GLRA3: variants seen among roughly 807,000 people sequenced by gnomAD.
The protein encoded by GLRA3 is glycine receptor subunit alpha-3.
A neutral mutation model predicts 60.4 loss-of-function variants in GLRA3; 44 were observed. That is an observed-to-expected ratio of 0.73 (90% CI 0.57 to 0.94). The LOEUF is 0.94. Among genes scored for constraint, GLRA3 ranks in the 40% least tolerant of loss-of-function variants. The pLI is 0.00. For missense variants in GLRA3, 508 were observed against 564.6 expected, an observed-to-expected ratio of 0.90 and a Z score of 1.02; for synonymous variants, 223 against 192.9, an observed-to-expected ratio of 1.16 and a Z score of -1.29.
At chr4:174,680,722 T>G (rs115616970) in intron 6 of GLRA3, among the ~76,000 whole-genome samples, 2,052 of 152,282 alleles carry the variant, frequency 0.013, 40 homozygotes, top group African/African-American at 0.046. Flanking sequence ...AGCACATAAC[T>G]AATAAATACT....
rs932136148 is a variant in GLRA3, at chr4:174,641,464, T to C, written c.*2322A>G. The stretch of plus-strand genomic sequence containing the variant: ...CATGCACCTTGTCACTGTTGCCTTG[T>C]GAGTGAAAGCTGTTAAAGTATTTTC... On this transcript the variant is annotated 3_prime_UTR_variant, in exon 10 of 10. Coordinates refer to ENST00000274093, the MANE Select transcript of GLRA3 (RefSeq NM_006529.4). 1 of 152,056 alleles carries C rather than the reference T, an allele frequency of 6.6e-6. No homozygotes were observed. The highest frequency in any genetic ancestry group is 1.5e-5 in the Non-Finnish European group (1 of 67,954). 9.4% of individuals were successfully genotyped at this position (152,056 alleles called of 1,614,324 possible).
chr4:174,715,016 G>GGGCC (rs1735855294), intron 5 of GLRA3, among the ~76,000 whole-genome samples: 1 of 152,192 alleles, frequency 6.6e-6, no homozygotes, highest in African/African-American at 2.4e-5. Flanking sequence ...AAGCAGCATA[G>GGGCC]GTTTGGAGGC....
In GLRA3 at chr4:174,638,706, G is replaced by A. The variant is rs1732559129; in HGVS notation, c.*5080C>T. On this transcript the variant is annotated 3_prime_UTR_variant, in exon 10 of 10. Transcript: ENST00000274093. ...AAATTGATCCTTATTAAGAGAATAA[G>A]CTTGTGTAAGTTCACACGAATTCTC... 1 of 152,146 alleles carries A rather than the reference G, an allele frequency of 6.6e-6. No homozygotes were observed. Among genetic ancestry groups the A allele is most frequent in the Non-Finnish European group, 1.5e-5 (1 of 68,022 alleles). 9.4% of individuals were successfully genotyped at this position (152,146 alleles called of 1,614,324 possible).
intron 3 of GLRA3, among the ~76,000 whole-genome samples, chr4:174,737,443 C>A (rs1015702760): frequency 6.6e-6 from 1 of 152,160 alleles, no homozygotes; most frequent in East Asian, 1.9e-4. Context: ...AGTAAGAAAA[C>A]TGAACATAAA....
chr4:174,727,427 A>T (rs2111129581), intron 4 of GLRA3, among the ~76,000 whole-genome samples: 1 of 152,312 alleles, frequency 6.6e-6, no homozygotes, highest in African/African-American at 2.4e-5. Flanking sequence ...CCTCAATATT[A>T]AGCCTACCTT....
chr4:174,792,762 A>C (rs917181767), intron 1 of GLRA3, among the ~76,000 whole-genome samples: 1 of 152,228 alleles, frequency 6.6e-6, no homozygotes, highest in African/African-American at 2.4e-5. Flanking sequence ...ACTCCAAGTT[A>C]GGTCACAGAA....
chr4:174,789,027 G>A, intron 1 of GLRA3, 84 bp from the exon 2 acceptor site: 1 of 836,254 alleles, frequency 1.2e-6, no homozygotes, highest in Non-Finnish European at 1.8e-6. Flanking sequence ...TAGAAATGCT[G>A]AGCTAAATAT....
intron 9 of GLRA3, among the ~76,000 whole-genome samples, chr4:174,648,169 C>G (rs1579383860): frequency 6.6e-6 from 1 of 152,146 alleles, no homozygotes; most frequent in East Asian, 1.9e-4. Context: ...TGGTATAAAT[C>G]TATGTTGAGG....
intron 3 of GLRA3, among the ~76,000 whole-genome samples, chr4:174,732,114 C>T (rs1266303499): frequency 1.3e-5 from 2 of 152,098 alleles, no homozygotes; most frequent in African/African-American, 2.4e-5. Context: ...CCCAGCACTT[C>T]GGGAGGCCGA....
intron 7 of GLRA3, among the ~76,000 whole-genome samples, chr4:174,659,493 T>C (rs188284112): frequency 3.0e-4 from 46 of 152,316 alleles, no homozygotes; most frequent in Admixed American, 1.4e-3. Context: ...AGTATGAACA[T>C]TGAAATATAG....
At position 174,643,977 on chromosome 4, in the gene GLRA3, C is replaced by G. The variant is rs1380097889; in HGVS notation, c.1204G>C (p.Gly402Arg). The change falls in exon 10 of 10, where the codon GGC becomes CGC. Residue 402 changes from glycine (G) to arginine (R), a missense_variant. Physicochemically the swap from Gly to Arg is moderately radical, Grantham distance 125. Coordinates refer to ENST00000274093, the MANE Select transcript of GLRA3 (RefSeq NM_006529.4). ...LQAKDGMTPK[G>R]PNHPVQVMPK... ...ATTACCTGGACAGGGTGGTTGGGGC[C>G]CTTTGGAGTCATGCCATCCTTTGCT... 1 of 1,613,726 alleles carries G rather than the reference C, an allele frequency of 6.2e-7. No individual in the cohort carries two copies. The highest frequency in any genetic ancestry group is 8.5e-7 in the Non-Finnish European group (1 of 1,179,820).
At chr4:174,680,101 T>C (rs987774546) in intron 6 of GLRA3, among the ~76,000 whole-genome samples, 2 of 152,232 alleles carry the variant, frequency 1.3e-5, no homozygotes, top group Non-Finnish European at 2.9e-5. Flanking sequence ...TATCAAAATA[T>C]CACATGTACC....
At chr4:174,710,546 C>G (rs954812030) in intron 5 of GLRA3, among the ~76,000 whole-genome samples, 1 of 152,044 alleles carries the variant, frequency 6.6e-6, no homozygotes, top group Non-Finnish European at 1.5e-5. Context: ...TTGTTCCTAT[C>G]ATTATTGTCT....
At chr4:174,670,542 A>G (rs757921021) in intron 7 of GLRA3, among the ~76,000 whole-genome samples, 1 of 152,178 alleles carries the variant, frequency 6.6e-6, no homozygotes, top group Admixed American at 6.5e-5. Flanking sequence ...AATTGCAAAC[A>G]TATCTTTGTT....
intron 5 of GLRA3, among the ~76,000 whole-genome samples, chr4:174,703,606 G>A (rs781149308): frequency 6.6e-6 from 1 of 152,094 alleles, no homozygotes; most frequent in Non-Finnish European, 1.5e-5. Flanking sequence ...ATATTCCATG[G>A]TTTTCCAATG....
chr4:174,692,149 C>T (rs1320399594), intron 5 of GLRA3, among the ~76,000 whole-genome samples: 3 of 151,408 alleles, frequency 2.0e-5, no homozygotes, highest in Non-Finnish European at 2.9e-5. Flanking sequence ...GGAGCCCCTC[C>T]GCCCAGCAGC....
chr4:174,707,836 C>T (rs1735571414), intron 5 of GLRA3, among the ~76,000 whole-genome samples: 1 of 152,118 alleles, frequency 6.6e-6, no homozygotes, highest in South Asian at 2.1e-4. Context: ...CTTCACTTCT[C>T]GAAGCATAAT....
intron 7 of GLRA3, among the ~76,000 whole-genome samples, chr4:174,672,651 C>T (rs983222642): frequency 6.6e-6 from 1 of 152,086 alleles, no homozygotes; most frequent in African/African-American, 2.4e-5. Flanking sequence ...TAGATCCAAG[C>T]CCACTCGAAC....
intron 5 of GLRA3, among the ~76,000 whole-genome samples, chr4:174,708,224 A>G (rs1351062177): frequency 6.6e-6 from 1 of 152,162 alleles, no homozygotes; most frequent in Non-Finnish European, 1.5e-5. Flanking sequence ...ATTGCAAAAA[A>G]TCATCACCAA....
Sources: allele counts gnomAD v4.1 joint callset (sites outside exome capture counted in the v4.1 genomes callset), GRCh38; gene constraint gnomAD v4.1.1; transcripts MANE v1.5; gene names NCBI Gene and HGNC (gene_info 2026-07-23, HGNC 2026-07-21).